Variants in DLGAP1 observed in about 807,000 individuals in gnomAD.
DLGAP1 encodes the protein DLG associated protein 1.
DLGAP1 carries 11 observed loss-of-function variants against 90.8 expected under a neutral mutation model. That is an observed-to-expected ratio of 0.12 (90% CI 0.08 to 0.20). The LOEUF (loss-of-function observed/expected upper bound fraction) is 0.20. DLGAP1 is among the 10% of genes least tolerant of loss of function. DLGAP1 has a pLI of 1.00. For synonymous variants in DLGAP1, 558 were observed against 540.7 expected, an observed-to-expected ratio of 1.03 and a Z score of -0.44; for missense variants, 1,050 against 1,333.8, an observed-to-expected ratio of 0.79 and a Z score of 3.31.
intron 3 of DLGAP1, among the ~76,000 whole-genome samples, chr18:3,992,006 T>C (rs1263132033): frequency 6.6e-6 from 1 of 152,232 alleles, no homozygotes; most frequent in Non-Finnish European, 1.5e-5. Context: ...TCTCCCCTGA[T>C]GGCTAACCCA....
rs2049705397 is a variant in DLGAP1, at chr18:3,496,638, T to C, written c.*2547A>G. On this transcript the variant is annotated 3_prime_UTR_variant, in exon 13 of 13. Transcript: ENST00000315677. ...TACCAAAGTTAAACAAAATAAGTAA[T>C]TTTTCAGGGTACATACATTTTCCAT... 1 of 152,130 alleles carries C rather than the reference T, an allele frequency of 6.6e-6. No individual in the cohort carries two copies. Among genetic ancestry groups the C allele is most frequent in the East Asian group, 1.9e-4 (1 of 5,200 alleles). 9.4% of individuals were successfully genotyped at this position (152,130 alleles called of 1,614,324 possible). A position where few individuals can be genotyped will look rare whatever the true frequency, so the allele number is the denominator to read the frequency against.
intron 7 of DLGAP1, among the ~76,000 whole-genome samples, chr18:3,612,591 G>A (rs2057687692): frequency 1.3e-5 from 2 of 152,148 alleles, no homozygotes; most frequent in African/African-American, 4.8e-5. Flanking sequence ...GGTGTACAAT[G>A]AAACAACAGA....
At chr18:3,713,810 C>T (rs556701876) in intron 7 of DLGAP1, among the ~76,000 whole-genome samples, 1 of 152,280 alleles carries the variant, frequency 6.6e-6, no homozygotes, top group Non-Finnish European at 1.5e-5. Flanking sequence ...CAGTGGGTGT[C>T]CACGGTGGGA....
intron 2 of DLGAP1, among the ~76,000 whole-genome samples, chr18:4,108,539 T>TAA (rs5822792): frequency 0.49 from 73,524 of 149,302 alleles, 18,734 homozygotes; most frequent in African/African-American, 0.64. Flanking sequence ...TATTACACAA[T>TAA]AAAAAAAAAA....
intron 1 of DLGAP1, among the ~76,000 whole-genome samples, chr18:4,389,657 C>T (rs1417855466): frequency 1.3e-5 from 2 of 152,122 alleles, no homozygotes; most frequent in African/African-American, 2.4e-5. Flanking sequence ...TCCAAAATTA[C>T]TACAATGGGA....
chr18:4,212,834 C>T (rs1043977581), intron 1 of DLGAP1, among the ~76,000 whole-genome samples: 1 of 151,748 alleles, frequency 6.6e-6, no homozygotes, highest in South Asian at 2.1e-4. Context: ...TTATAATTTA[C>T]CAATTTTAAT....
At chr18:3,788,337 A>G (rs1251159051) in intron 5 of DLGAP1, among the ~76,000 whole-genome samples, 1 of 152,154 alleles carries the variant, frequency 6.6e-6, no homozygotes, top group East Asian at 1.9e-4. Flanking sequence ...CTCCAAAACA[A>G]CAGAATAAGC....
chr18:3,607,794 C>G (rs1368568284), intron 7 of DLGAP1: 1 of 152,116 alleles, frequency 6.6e-6, no homozygotes, highest in East Asian at 1.9e-4. Context: ...TTGATCTTTT[C>G]CACACAGCTG....
At chr18:3,849,964 T>C (rs1477284067) in intron 4 of DLGAP1, among the ~76,000 whole-genome samples, 1 of 152,228 alleles carries the variant, frequency 6.6e-6, no homozygotes, top group East Asian at 1.9e-4. Flanking sequence ...GTCTTGTTTA[T>C]AAATCTGACC....
At chr18:4,388,827 T>C (rs541907453) in intron 1 of DLGAP1, among the ~76,000 whole-genome samples, 1 of 152,236 alleles carries the variant, frequency 6.6e-6, no homozygotes, top group South Asian at 2.1e-4. Flanking sequence ...ACCCATCAGG[T>C]TGGCTACTAT....
chr18:3,901,937 T>C (rs1458210008), intron 3 of DLGAP1, among the ~76,000 whole-genome samples: 1 of 152,184 alleles, frequency 6.6e-6, no homozygotes, highest in Non-Finnish European at 1.5e-5. Context: ...AGATTTTTCT[T>C]CTCACACTTT....
intron 6 of DLGAP1, among the ~76,000 whole-genome samples, chr18:3,731,392 GT>G (rs1352112066): frequency 7.9e-5 from 12 of 152,082 alleles, no homozygotes; most frequent in South Asian, 4.2e-4. Context: ...CAACTTGTTG[GT>G]TTTTTACTTA....
chr18:4,421,166 T>C (rs2144680164), intron 1 of DLGAP1, among the ~76,000 whole-genome samples: 1 of 152,316 alleles, frequency 6.6e-6, no homozygotes, highest in Non-Finnish European at 1.5e-5. Context: ...GGTAGAACCA[T>C]GCTCCCTCAG....
At chr18:4,127,437 AAG>A (rs977462715) in intron 2 of DLGAP1, among the ~76,000 whole-genome samples, 1 of 152,192 alleles carries the variant, frequency 6.6e-6, no homozygotes, top group African/African-American at 2.4e-5. Context: ...CAATGTAGGA[AAG>A]AGAGAAGAGA....
intron 1 of DLGAP1, among the ~76,000 whole-genome samples, chr18:4,299,085 CAAAAAAA>C (rs35327176): frequency 2.6e-5 from 2 of 76,334 alleles, no homozygotes; most frequent in African/African-American, 4.4e-5. Context: ...TGTCTCAAGA[CAAAAAAA>C]AAAAAAAAAA....
chr18:3,738,176 T>A (rs1471408064), intron 6 of DLGAP1, among the ~76,000 whole-genome samples: 5 of 149,764 alleles, frequency 3.3e-5, no homozygotes, highest in East Asian at 3.9e-4. Context: ...GAAGAATCAA[T>A]ATCGTGAAAA....
intron 3 of DLGAP1, among the ~76,000 whole-genome samples, chr18:3,945,044 T>C (rs2072850114): frequency 6.6e-6 from 1 of 152,208 alleles, no homozygotes; most frequent in Non-Finnish European, 1.5e-5. Flanking sequence ...TCAGAGAATC[T>C]CAGCATAGCC....
At position 4,207,554 on chromosome 18, in the gene DLGAP1, T is replaced by C. The variant is rs968892788; in HGVS notation, c.-266-56267A>G. Among the ~76,000 whole-genome samples, 7 of 152,340 alleles carry C rather than the reference T, an allele frequency of 4.6e-5. No individual in the cohort carries two copies. The South Asian group carries it at 1.0e-3, about 23-fold the overall frequency. ...CTTCAACGGAATTTACCATCTGAGG[T>C]AGTCACAAGCCCACCTGCGGTGTGG... On this transcript the variant is annotated intron_variant, in intron 1 of 12. Transcript: ENST00000315677.
chr18:3,600,765 G>GATATATAGATATATAT (rs2056884868), intron 7 of DLGAP1, among the ~76,000 whole-genome samples: 1 of 19,946 alleles, frequency 5.0e-5, no homozygotes, highest in African/African-American at 2.9e-4. Context: ...TAGATATATA[G>GATATATAGATATATAT]ATATATATAG....
Sources: allele counts gnomAD v4.1 joint callset (sites outside exome capture counted in the v4.1 genomes callset), GRCh38; gene constraint gnomAD v4.1.1; transcripts MANE v1.5; gene names NCBI Gene and HGNC (gene_info 2026-07-23, HGNC 2026-07-21).